EEFSEC: variants seen among roughly 807,000 people sequenced by gnomAD.
The protein encoded by EEFSEC is eukaryotic elongation factor, selenocysteine-tRNA specific, also known as selenocysteine-specific elongation factor.
Under a neutral mutation model 42.1 loss-of-function variants are expected in EEFSEC, and 43 were observed. The ratio of observed to expected loss-of-function variants is 1.02; its 90% CI spans 0.80 to 1.32. The LOEUF (loss-of-function observed/expected upper bound fraction) is 1.32. Among genes scored for constraint, EEFSEC ranks in the 40% most tolerant of loss-of-function variants. The pLI is 0.00. For synonymous variants in EEFSEC, 354 were observed against 339.1 expected (o/e 1.04, Z -0.48); for missense variants, 745 against 803.6 (o/e 0.93, Z 0.88).
chr3:128,175,138 TC>T (rs140010553), intron 1 of EEFSEC, among the ~76,000 whole-genome samples: 1 of 131,218 alleles, frequency 7.6e-6, no homozygotes, highest in Non-Finnish European at 1.6e-5. Flanking sequence ...TTCCCACGCC[TC>T]CCCCCGCTCC....
At chr3:128,320,129 G>A (rs753941818) in intron 4 of EEFSEC, among the ~76,000 whole-genome samples, 4 of 152,364 alleles carry the variant, frequency 2.6e-5, no homozygotes, top group Non-Finnish European at 5.9e-5. Context: ...TCAAGTAGTT[G>A]CAACAGAGGT....
intron 6 of EEFSEC, among the ~76,000 whole-genome samples, chr3:128,370,372 ACACT>A (rs2067640034): frequency 6.6e-6 from 1 of 152,114 alleles, no homozygotes; most frequent in Admixed American, 6.5e-5. Context: ...GCAGCGGCCC[ACACT>A]CACCACCGGT....
intron 1 of EEFSEC, among the ~76,000 whole-genome samples, chr3:128,154,389 C>T (rs1299901625): frequency 6.6e-6 from 1 of 152,134 alleles, no homozygotes; most frequent in African/African-American, 2.4e-5. Flanking sequence ...AAAGCTACAT[C>T]ATTCTTTTTA....
intron 4 of EEFSEC, among the ~76,000 whole-genome samples, chr3:128,284,637 G>T (rs1473133110): frequency 6.6e-6 from 1 of 152,192 alleles, no homozygotes; most frequent in South Asian, 2.1e-4. Context: ...CTAAACAAAT[G>T]ACCAGGGTAT....
At chr3:128,320,424 A>G (rs2066994327) in intron 4 of EEFSEC, among the ~76,000 whole-genome samples, 1 of 152,250 alleles carries the variant, frequency 6.6e-6, no homozygotes, top group Non-Finnish European at 1.5e-5. Flanking sequence ...ATACCATGCT[A>G]ATCATTTCAC....
chr3:128,315,063 A>G (rs766125469), intron 4 of EEFSEC, among the ~76,000 whole-genome samples: 2 of 152,176 alleles, frequency 1.3e-5, no homozygotes, highest in Non-Finnish European at 1.5e-5. Flanking sequence ...TACATCAAAG[A>G]GGCAATAGAG....
chr3:128,228,843 C>G (rs1191065300), intron 1 of EEFSEC, among the ~76,000 whole-genome samples: 1 of 152,088 alleles, frequency 6.6e-6, no homozygotes, highest in South Asian at 2.1e-4. Flanking sequence ...GCACTTAGAA[C>G]GGAGCCTAGT....
At chr3:128,202,111 T>C (rs1249984059) in intron 1 of EEFSEC, among the ~76,000 whole-genome samples, 6 of 152,232 alleles carry the variant, frequency 3.9e-5, no homozygotes, top group African/African-American at 1.4e-4. Context: ...AGTTTTGAAG[T>C]CAAGTAGTGT....
chr3:128,418,739 CTGCCTAGCACCCTGACTA>C, the EEFSEC span, among the ~76,000 whole-genome samples: 17 of 152,142 alleles, frequency 1.1e-4, no homozygotes, highest in Admixed American at 3.9e-4. Flanking sequence ...TGCCCTGACT[CTGCCTAGCACCCTGACTA>C]TGCCTAGCAC....
At position 128,263,993 on chromosome 3, in the gene EEFSEC, G is replaced by A. The variant is rs550355979; in HGVS notation, c.622-624G>A. Among the ~76,000 whole-genome samples, 10 of 152,312 alleles carry A rather than the reference G, an allele frequency of 6.6e-5. No homozygotes were observed. The South Asian group carries it at 2.1e-3, about 32-fold the overall frequency. On this transcript the variant is annotated intron_variant, in intron 3 of 6. Transcript: ENST00000254730. The stretch of plus-strand genomic sequence containing the variant: ...GATACCTGGCTCTCACAGCCCTATG[G>A]GGGAGATAATAAAGAGATGATCACA...
intron 4 of EEFSEC, among the ~76,000 whole-genome samples, chr3:128,316,817 A>G (rs2066950802): frequency 1.3e-5 from 2 of 152,224 alleles, no homozygotes; most frequent in South Asian, 4.1e-4. Context: ...CTCCCATGAC[A>G]TACGACAGCA....
rs1409877869 is a variant in EEFSEC at position 128,172,627 on chromosome 3, C to G, written c.316+18804C>G. Among the ~76,000 whole-genome samples, 3 of 152,198 alleles carry G rather than the reference C, an allele frequency of 2.0e-5. No individual in the cohort carries two copies. In the East Asian group the frequency reaches 5.8e-4, roughly 29 times the overall value. ...AGCAGTTACTGTGCCAATGATCTCT[C>G]TGACCCCTGACGAATTATAAGCATA... is the stretch of plus-strand genomic sequence containing the variant. On this transcript the variant is annotated intron_variant, in intron 1 of 6. Coordinates refer to ENST00000254730, the MANE Select transcript of EEFSEC (RefSeq NM_021937.5).
chr3:128,286,013 A>G (rs1310267275), intron 4 of EEFSEC, among the ~76,000 whole-genome samples: 1 of 152,254 alleles, frequency 6.6e-6, no homozygotes, highest in Non-Finnish European at 1.5e-5. Context: ...GTTTGTAGTC[A>G]TGCATGTGTG....
intron 1 of EEFSEC, among the ~76,000 whole-genome samples, chr3:128,237,970 A>G (rs960133251): frequency 6.6e-6 from 1 of 152,284 alleles, no homozygotes; most frequent in South Asian, 2.1e-4. Flanking sequence ...GGAATGCATG[A>G]TTCTGGCCAA....
intron 4 of EEFSEC, among the ~76,000 whole-genome samples, chr3:128,278,275 G>A (rs1462895597): frequency 6.6e-6 from 1 of 152,188 alleles, no homozygotes; most frequent in Non-Finnish European, 1.5e-5. Context: ...CAATCCAATG[G>A]GCATTAAAGG....
chr3:128,196,452 A>T lies in EEFSEC; in HGVS notation c.316+42629A>T, dbSNP rs1294373931. Among the ~76,000 whole-genome samples, 3 of 152,242 alleles carry T rather than the reference A, an allele frequency of 2.0e-5. No homozygotes were observed. In the East Asian group the frequency reaches 5.8e-4, roughly 29 times the overall value. On this transcript the variant is annotated intron_variant, in intron 1 of 6. Transcript: ENST00000254730. The stretch of plus-strand genomic sequence containing the variant: ...CAAAGTCACTTTTTTCTGATTATAA[A>T]ACTAATACAGACCTATTTTAGAAAC...
chr3:128,406,760 C>A (rs1433029357), intron 6 of EEFSEC, among the ~76,000 whole-genome samples: 1 of 151,678 alleles, frequency 6.6e-6, no homozygotes. Context: ...TTGTAGTGAG[C>A]CAGGATTACA....
At chr3:128,155,101 G>GTTTTTTGT (rs765957023) in intron 1 of EEFSEC, among the ~76,000 whole-genome samples, 2 of 151,864 alleles carry the variant, frequency 1.3e-5, no homozygotes, top group African/African-American at 4.8e-5. Flanking sequence ...GAAAAGACCC[G>GTTTTTTGT]TTTTTTGTTT....
At chr3:128,347,262 GAAA>G (rs910870590) in intron 5 of EEFSEC, among the ~76,000 whole-genome samples, 8 of 138,216 alleles carry the variant, frequency 5.8e-5, no homozygotes, top group Non-Finnish European at 1.1e-4. Flanking sequence ...GGTTAATGAA[GAAA>G]AAAAAAAAAG....
Sources: gnomAD v4.1 joint callset for allele counts (sites outside exome capture counted in the v4.1 genomes callset) on GRCh38, gnomAD v4.1.1 for gene constraint, MANE v1.5 for transcripts, NCBI Gene and HGNC (gene_info 2026-07-23, HGNC 2026-07-21) for gene names.